Variants in DENND3 observed in about 807,000 individuals in gnomAD.
The protein encoded by DENND3 is DENN domain-containing protein 3.
A neutral mutation model predicts 135.1 loss-of-function variants in DENND3; 88 were observed. The observed-to-expected ratio is 0.65, with a 90% CI of 0.55 to 0.78. The LOEUF (loss-of-function observed/expected upper bound fraction) is 0.78. Ranked by LOEUF, DENND3 falls within the 30% of genes least tolerant of loss-of-function variation. The pLI is 0.00. For synonymous variants in DENND3, 693 were observed against 712.3 expected (o/e 0.97, Z 0.43); for missense variants, 1,392 against 1,688.4 (o/e 0.82, Z 3.08).
rs1815845041 is a variant in DENND3 at position 141,130,276 on chromosome 8, C to G, written c.102+1467C>G. ...ATAGAGAGGAGGTCTCACTGTGTTG[C>G]CCAGACTCATCTCCAATTCCTGAGC... is the stretch of plus-strand genomic sequence containing the variant. On this transcript the variant is annotated intron_variant, in intron 1 of 22. Coordinates refer to ENST00000519811, the MANE Select transcript of DENND3 (RefSeq NM_001352890.3). The surrounding 1 kb of genome is among the most constrained non-coding windows in gnomAD (Gnocchi z 4.2). Among the ~76,000 whole-genome samples, 1 of 152,080 alleles carries G rather than the reference C, an allele frequency of 6.6e-6. No homozygotes were observed. The highest frequency in any genetic ancestry group is 2.1e-4 in the South Asian group (1 of 4,822).
intron 1 of DENND3, among the ~76,000 whole-genome samples, chr8:141,133,977 G>A (rs776858967): frequency 6.6e-6 from 1 of 152,100 alleles, no homozygotes; most frequent in Non-Finnish European, 1.5e-5. Context: ...AGGATGGTGC[G>A]AAGGACCCAG....
In DENND3 at chr8:141,189,150, C is replaced by T; in HGVS notation, c.3245+4C>T. 6.2e-7 allele frequency: 1 copy of T among 1,614,162 alleles called. No homozygotes were observed. Among genetic ancestry groups the T allele is most frequent in the Non-Finnish European group, 8.5e-7 (1 of 1,180,000 alleles). ...AGGACGGACAGGAGGCACCCAGGTG[C>T]AGTAAGCTCTGCTGGGGAGAAGGGA... On this transcript the variant is annotated splice_donor_region_variant and intron_variant, in intron 19 of 22. Coordinates refer to ENST00000519811, the MANE Select transcript of DENND3 (RefSeq NM_001352890.3).
intron 16 of DENND3, among the ~76,000 whole-genome samples, 156 bp downstream of exon 16, chr8:141,178,352 T>C (rs904095858): frequency 3.3e-5 from 5 of 152,266 alleles, no homozygotes; most frequent in Non-Finnish European, 7.3e-5. Flanking sequence ...GCACACCTTA[T>C]CCGGCATCTT....
intron 17 of DENND3, among the ~76,000 whole-genome samples, chr8:141,181,823 G>A (rs1218287710): frequency 1.3e-5 from 2 of 151,880 alleles, no homozygotes; most frequent in African/African-American, 4.9e-5. Flanking sequence ...CCAGGCTGGA[G>A]TGTAGTTGGT....
At chr8:141,143,165 C>T (rs1198821660) in intron 4 of DENND3, among the ~76,000 whole-genome samples, 2 of 152,118 alleles carry the variant, frequency 1.3e-5, no homozygotes, top group Non-Finnish European at 2.9e-5. Flanking sequence ...TTAAAAAAAT[C>T]GGTTCTGTTA....
In DENND3 at chr8:141,137,276, G is replaced by A. The variant is rs1251890290; in HGVS notation, c.385+485G>A. Among the ~76,000 whole-genome samples the A allele has an allele frequency of 1.3e-5, 2 of 152,170 alleles. No individual in the cohort carries two copies. Among genetic ancestry groups the A allele is most frequent in the African/African-American group, 2.4e-5 (1 of 41,452 alleles). On this transcript the variant is annotated intron_variant, in intron 2 of 22. Transcript: ENST00000519811. This position sits in a 1 kb window ranked among gnomAD's most constrained non-coding sequence, Gnocchi z 4.1. Reference sequence around the variant, plus strand: ...ATTACAGGCGTGAGCCACCGTGCTCGACCTACCTTGGGGATTTTAAAGCTG... The same window carrying A: ...ATTACAGGCGTGAGCCACCGTGCTCAACCTACCTTGGGGATTTTAAAGCTG...
At chr8:141,148,481 T>TCACA (rs369837260) in intron 5 of DENND3, among the ~76,000 whole-genome samples, 1 of 152,108 alleles carries the variant, frequency 6.6e-6, no homozygotes, top group Non-Finnish European at 1.5e-5. Flanking sequence ...GTGCAAAATC[T>TCACA]CACACACACA....
chr8:141,180,927 C>G, intron 17 of DENND3, 73 bp downstream of exon 17: 1 of 1,313,754 alleles, frequency 7.6e-7, no homozygotes, highest in African/African-American at 1.5e-5. Flanking sequence ...GGTTCAGGGT[C>G]AGCCCTGAAG....
chr8:141,149,492 A>G (rs956913108), intron 5 of DENND3, among the ~76,000 whole-genome samples: 6 of 152,278 alleles, frequency 3.9e-5, no homozygotes, highest in Admixed American at 3.9e-4. Context: ...CTGTACACAC[A>G]TTTAAGAACA....
intron 17 of DENND3, among the ~76,000 whole-genome samples, chr8:141,183,269 T>G (rs934992941): frequency 5.3e-5 from 8 of 152,204 alleles, no homozygotes; most frequent in Non-Finnish European, 7.3e-5. Flanking sequence ...TTATTTTTTC[T>G]GAGACAGGGT....
chr8:141,133,592 C>T (rs1816416618), intron 1 of DENND3, among the ~76,000 whole-genome samples: 1 of 152,152 alleles, frequency 6.6e-6, no homozygotes, highest in Non-Finnish European at 1.5e-5. Flanking sequence ...TTGCTACCTG[C>T]CTGGAGCCAC....
At chr8:141,169,324 G>C (rs1456939378) in intron 13 of DENND3, among the ~76,000 whole-genome samples, 3 of 152,248 alleles carry the variant, frequency 2.0e-5, no homozygotes, top group Non-Finnish European at 2.9e-5. Context: ...CAATGTGCCT[G>C]TCCTGAGATC....
chr8:141,180,905 C>T (rs368676007), intron 17 of DENND3, 51 bp downstream of exon 17: 70 of 1,504,534 alleles, frequency 4.7e-5, no homozygotes, highest in South Asian at 8.3e-5. Flanking sequence ...CAATCTGATG[C>T]GCTTAGGTTT....
At chr8:141,142,222 TGG>T (rs1367352228) in intron 4 of DENND3, 5 of 375,446 alleles carry the variant, frequency 1.3e-5, no homozygotes, top group South Asian at 9.9e-5. Flanking sequence ...TCAGTCCCAG[TGG>T]GCACTTGTGC....
Position 141,128,856 on chromosome 8 carries a change from C to T in DENND3, c.102+47C>T, listed in dbSNP as rs1221412130. 28 of 1,310,494 alleles carry T rather than the reference C, an allele frequency of 2.1e-5. No homozygotes were observed. Among genetic ancestry groups the T allele is most frequent in the Admixed American group, 3.3e-5 (1 of 30,722 alleles). The allele number at this position is 1,310,494 out of a possible 1,614,324, so 81.2% of individuals were successfully genotyped here. A position where few individuals can be genotyped will look rare whatever the true frequency, so the allele number is the denominator to read the frequency against. On this transcript the variant is annotated intron_variant, in intron 1 of 22. Transcript: ENST00000519811. This position sits in a 1 kb window ranked among gnomAD's most constrained non-coding sequence, Gnocchi z 4.5. The stretch of plus-strand genomic sequence containing the variant: ...GCGGACGTGGGCCACGAGTCGGCAG[C>T]CGGGACAGCAGTCGGAGAGCGGGCG...
chr8:141,141,668 G>A lies in DENND3; in HGVS notation c.623+344G>A. 1 of 257,332 alleles carries A rather than the reference G, an allele frequency of 3.9e-6. No individual in the cohort carries two copies. Among genetic ancestry groups the A allele is most frequent in the South Asian group, 4.8e-5 (1 of 20,886 alleles). 15.9% of individuals were successfully genotyped at this position (257,332 alleles called of 1,614,324 possible). On this transcript the variant is annotated intron_variant, in intron 4 of 22. Transcript: ENST00000519811. This position sits in a 1 kb window ranked among gnomAD's most constrained non-coding sequence, Gnocchi z 5.3. ...ATTTTGTTTAGTTTTTCACAAAAAG[G>A]CATATATTAGGAAAAACTCTTTTCC...
In DENND3 at chr8:141,138,633, G is replaced by T. The variant is rs1179898142; in HGVS notation, c.501+496G>T. Among the ~76,000 whole-genome samples, 1 of 152,072 alleles carries T rather than the reference G, an allele frequency of 6.6e-6. No homozygotes were observed. The highest frequency in any genetic ancestry group is 1.5e-5 in the Non-Finnish European group (1 of 68,008). On this transcript the variant is annotated intron_variant, in intron 3 of 22. Transcript: ENST00000519811. This position sits in a 1 kb window ranked among gnomAD's most constrained non-coding sequence, Gnocchi z 4.8. ...ACTCCTGACCTCAGGTGATCCACCC[G>T]CCTCAGCCTCCCAAAGTGCTGGGAT...
At chr8:141,163,508 A>T in intron 10 of DENND3, 79 bp downstream of exon 10, 1 of 913,638 alleles carries the variant, frequency 1.1e-6, no homozygotes, top group South Asian at 1.9e-5. Flanking sequence ...TTTTCAAAAT[A>T]AGTGTTCTCA....
Position 141,175,907 on chromosome 8 carries a change from A to G in DENND3, c.2535+448A>G. The G allele has an allele frequency of 4.7e-6, 1 of 211,758 alleles. No individual in the cohort carries two copies. The highest frequency in any genetic ancestry group is 6.8e-5 in the South Asian group (1 of 14,670). 13.1% of individuals were successfully genotyped at this position (211,758 alleles called of 1,614,324 possible). On this transcript the variant is annotated intron_variant, in intron 14 of 22. Transcript: ENST00000519811. This position sits in a 1 kb window ranked among gnomAD's most constrained non-coding sequence, Gnocchi z 5.4. ...TAAAACATAACAAGCTTATTTTATA[A>G]CAATTAAAAAATCTTCAAACAGTTT...
Sources: allele counts gnomAD v4.1 joint callset (sites outside exome capture counted in the v4.1 genomes callset), GRCh38; gene constraint gnomAD v4.1.1; non-coding constraint Gnocchi (gnomAD v3.1); transcripts MANE v1.5; gene names NCBI Gene and HGNC (gene_info 2026-07-23, HGNC 2026-07-21).